Variants in SCHIP1 observed in about 807,000 individuals in gnomAD.
SCHIP1 encodes the protein schwannomin-interacting protein 1.
A neutral mutation model predicts 29.7 loss-of-function variants in SCHIP1; 8 were observed. The observed-to-expected ratio is 0.27, with a 90% CI of 0.16 to 0.49. SCHIP1 has a LOEUF of 0.49. SCHIP1 is among the 20% of genes least tolerant of loss of function. The pLI is 0.99. For synonymous variants in SCHIP1, 76 were observed against 94.9 expected (o/e 0.80, Z 1.16); for missense variants, 193 against 294.6 (o/e 0.66, Z 2.52).
At chr3:159,845,127 C>A (rs772736875) in intron 1 of SCHIP1, among the ~76,000 whole-genome samples, 15 of 152,216 alleles carry the variant, frequency 9.9e-5, no homozygotes, top group Non-Finnish European at 2.2e-4. Context: ...TTTACTCCTG[C>A]CTTCACAGTG....
At chr3:159,514,183 C>A in the SCHIP1 span, among the ~76,000 whole-genome samples, 1 of 152,130 alleles carries the variant, frequency 6.6e-6, no homozygotes, top group African/African-American at 2.4e-5. Context: ...TGGAAAACCA[C>A]CACCGTCATG....
chr3:159,377,598 G>A, the SCHIP1 span, among the ~76,000 whole-genome samples: 1 of 152,276 alleles, frequency 6.6e-6, no homozygotes, highest in South Asian at 2.1e-4. Context: ...AGGAAGTGAT[G>A]GTTTATGGGT....
upstream of SCHIP1, among the ~76,000 whole-genome samples, chr3:159,837,452 G>T (rs1324297653): frequency 6.6e-6 from 1 of 152,182 alleles, no homozygotes; most frequent in Non-Finnish European, 1.5e-5. Flanking sequence ...GCTGGACACG[G>T]TGGCTCAGGC....
At chr3:159,459,152 C>T in the SCHIP1 span, among the ~76,000 whole-genome samples, 2 of 152,078 alleles carry the variant, frequency 1.3e-5, no homozygotes, top group Admixed American at 1.3e-4. Context: ...GCATACTCGG[C>T]ACTCAATCAT....
At chr3:159,431,948 C>T in the SCHIP1 span, among the ~76,000 whole-genome samples, 4 of 151,092 alleles carry the variant, frequency 2.6e-5, no homozygotes, top group Non-Finnish European at 5.9e-5. Context: ...ACCTTTTTAT[C>T]TTGGCATTAT....
chr3:159,675,998 G>T, the SCHIP1 span, among the ~76,000 whole-genome samples: 6 of 152,282 alleles, frequency 3.9e-5, no homozygotes, highest in East Asian at 1.2e-3. Context: ...AGGCGTGGTG[G>T]CAGGTGTCTG....
chr3:159,636,847 T>A, the SCHIP1 span, among the ~76,000 whole-genome samples: 1 of 152,208 alleles, frequency 6.6e-6, no homozygotes, highest in Admixed American at 6.5e-5. Context: ...ATGATAGAAA[T>A]AGACCAAAAT....
the SCHIP1 span, among the ~76,000 whole-genome samples, chr3:159,461,892 C>T: frequency 6.6e-6 from 1 of 152,050 alleles, no homozygotes; most frequent in Admixed American, 6.6e-5. Context: ...ACTTAAATTG[C>T]AGATAAACAT....
At chr3:159,749,240 G>GC in the SCHIP1 span, among the ~76,000 whole-genome samples, 1 of 152,126 alleles carries the variant, frequency 6.6e-6, no homozygotes, top group Admixed American at 6.5e-5. Context: ...GCCAAGGGCA[G>GC]CTGAGGTGGG....
the SCHIP1 span, among the ~76,000 whole-genome samples, chr3:159,307,189 G>C: frequency 6.6e-6 from 1 of 152,166 alleles, no homozygotes; most frequent in East Asian, 1.9e-4. Flanking sequence ...AATTAGAGCA[G>C]GACATAAAAG....
At chr3:159,500,278 C>A in the SCHIP1 span, among the ~76,000 whole-genome samples, 1 of 152,204 alleles carries the variant, frequency 6.6e-6, no homozygotes, top group East Asian at 1.9e-4. Flanking sequence ...ATCTCAGATA[C>A]GTGCCAGGGC....
At chr3:159,764,729 C>T in the SCHIP1 span, 4 of 1,573,732 alleles carry the variant, frequency 2.5e-6, no homozygotes, top group African/African-American at 5.4e-5. This position sits in a 1 kb window ranked among gnomAD's most constrained non-coding sequence, Gnocchi z 6.1. Context: ...GATGACCGCT[C>T]TCCGGCCCGG....
At chr3:159,690,023 C>T in the SCHIP1 span, among the ~76,000 whole-genome samples, 7 of 152,182 alleles carry the variant, frequency 4.6e-5, no homozygotes, top group Non-Finnish European at 1.0e-4. Context: ...AGGATTTTCG[C>T]ATAGATGTTC....
the SCHIP1 span, among the ~76,000 whole-genome samples, chr3:159,323,418 C>A: frequency 6.6e-6 from 1 of 152,158 alleles, no homozygotes; most frequent in Non-Finnish European, 1.5e-5. Context: ...CATTGCTTTG[C>A]ACCCTTTTTT....
the SCHIP1 span, among the ~76,000 whole-genome samples, chr3:159,370,676 C>T: frequency 0.097 from 14,736 of 152,060 alleles, 870 homozygotes; most frequent in Non-Finnish European, 0.13. Context: ...CCAGAGAGAA[C>T]AAAAAAGTGG....
the SCHIP1 span, among the ~76,000 whole-genome samples, chr3:159,495,906 A>T: frequency 1.3e-5 from 2 of 152,210 alleles, no homozygotes; most frequent in Non-Finnish European, 2.9e-5. Flanking sequence ...CAAGACAGAG[A>T]TATAGACCAA....
chr3:159,273,587 C>CTCGCTCTTTT, the SCHIP1 span: 1 of 1,280,026 alleles, frequency 7.8e-7, no homozygotes, highest in Non-Finnish European at 9.9e-7. Flanking sequence ...CCAAAAAGCT[C>CTCGCTCTTTT]TCGCTCTTTT....
the SCHIP1 span, among the ~76,000 whole-genome samples, chr3:159,450,144 T>G: frequency 6.6e-6 from 1 of 152,204 alleles, no homozygotes; most frequent in East Asian, 1.9e-4. Context: ...AATTTAGAAG[T>G]GTTTTCACTC....
the SCHIP1 span, among the ~76,000 whole-genome samples, chr3:159,346,451 A>T: frequency 6.6e-6 from 1 of 152,076 alleles, no homozygotes; most frequent in Non-Finnish European, 1.5e-5. Context: ...TTAGGAAAAA[A>T]ATGAAAGCAT....
Sources: allele counts gnomAD v4.1 joint callset (sites outside exome capture counted in the v4.1 genomes callset), GRCh38; gene constraint gnomAD v4.1.1; non-coding constraint Gnocchi (gnomAD v3.1); transcripts MANE v1.5; gene names NCBI Gene and HGNC (gene_info 2026-07-23, HGNC 2026-07-21).